The following ADAMTS18 variants were observed in gnomAD, a reference collection of about 807,000 sequenced individuals.
The protein encoded by ADAMTS18 is ADAM metallopeptidase with thrombospondin type 1 motif 18.
A neutral mutation model predicts 165.9 loss-of-function variants in ADAMTS18; 157 were observed. The ratio of observed to expected loss-of-function variants is 0.95; its 90% confidence interval spans 0.83 to 1.08. ADAMTS18 has a LOEUF of 1.08. Ranked by LOEUF, ADAMTS18 falls within the 50% of genes least tolerant of loss-of-function variation. The pLI is 0.00. For synonymous variants in ADAMTS18, 782 were observed against 578.2 expected (o/e 1.35, Z -5.06); for missense variants, 2,040 against 1,534.0 (o/e 1.33, Z -5.51).
intron 16 of ADAMTS18, among the ~76,000 whole-genome samples, chr16:77,309,718 A>G (rs114992107): frequency 9.3e-4 from 142 of 152,296 alleles, no homozygotes; most frequent in Middle Eastern, 3.4e-3. Context: ...ACAGCAGTCA[A>G]TTATTTCCAG....
At chr16:77,341,990 T>C (rs2056405627) in intron 10 of ADAMTS18, among the ~76,000 whole-genome samples, 191 bp from the exon 11 acceptor site, 1 of 152,354 alleles carries the variant, frequency 6.6e-6, no homozygotes, top group East Asian at 1.9e-4. Context: ...GGGGGGTTTC[T>C]ACAGTATCCA....
chr16:77,336,239 T>C (rs2056308748), intron 11 of ADAMTS18, among the ~76,000 whole-genome samples: 1 of 152,100 alleles, frequency 6.6e-6, no homozygotes, highest in African/African-American at 2.4e-5. Context: ...AAGCCTGCCT[T>C]GCCACTGAGA....
At chr16:77,379,203 TTAACTTCACCACCA>T (rs1464902247) in intron 3 of ADAMTS18, among the ~76,000 whole-genome samples, 1 of 152,204 alleles carries the variant, frequency 6.6e-6, no homozygotes, top group African/African-American at 2.4e-5. Context: ...CTTGGGCCTA[TTAACTTCACCACCA>T]TAAGGTTCAC....
At position 77,384,818 on chromosome 16, in the gene ADAMTS18, G is replaced by C. The variant is rs191767463; in HGVS notation, c.496-17095C>G. Among the ~76,000 whole-genome samples, 8 of 114,542 alleles carry C rather than the reference G, an allele frequency of 7.0e-5. No homozygotes were observed. The East Asian group carries it at 2.5e-3, about 36-fold the overall frequency. 75.1% of individuals were successfully genotyped at this position (114,542 alleles called of 152,430 possible). A position where few individuals can be genotyped will look rare whatever the true frequency, so the allele number is the denominator to read the frequency against. ...CAGCTCTTCTTCTGATACCATTTTT[G>C]CTTCAGATTTTTTTAAAAAATCTCA... is the stretch of plus-strand genomic sequence containing the variant. On this transcript the variant is annotated intron_variant, in intron 3 of 22. Transcript: ENST00000282849.
At chr16:77,286,708 A>G (rs12921392) in intron 22 of ADAMTS18, among the ~76,000 whole-genome samples, 74,831 of 151,788 alleles carry the variant, frequency 0.49, 19,871 homozygotes, top group Non-Finnish European at 0.61. Flanking sequence ...TTCCATGAGG[A>G]GCAGCTTATT....
At chr16:77,347,744 G>T (rs551879843) in intron 10 of ADAMTS18, among the ~76,000 whole-genome samples, 4 of 152,060 alleles carry the variant, frequency 2.6e-5, no homozygotes, top group African/African-American at 9.6e-5. Context: ...TTTGGTAAGG[G>T]GATTGGCACT....
intron 10 of ADAMTS18, among the ~76,000 whole-genome samples, chr16:77,351,475 C>A (rs2056554858): frequency 1.3e-5 from 2 of 152,280 alleles, no homozygotes; most frequent in South Asian, 2.1e-4. Context: ...AGGTACCCCA[C>A]AAATACATGG....
chr16:77,321,225 G>C lies in ADAMTS18; in HGVS notation c.2164-23C>G, dbSNP rs1255801091. 3.7e-6 allele frequency: 6 copies of C among 1,613,914 alleles called. 1 individual carries two copies. In the Admixed American group the frequency reaches 1.0e-4, roughly 27 times the overall value. ...TAGCTGTGACAAAAACAAAAAACGT[G>C]AGAAAATAAAAGATCAGAGAAGCCA... On this transcript the variant is annotated intron_variant, in intron 14 of 22. Transcript: ENST00000282849.
chr16:77,330,314 G>C (rs2056167089), intron 12 of ADAMTS18, among the ~76,000 whole-genome samples: 1 of 152,142 alleles, frequency 6.6e-6, no homozygotes, highest in East Asian at 1.9e-4. Flanking sequence ...TTTTCTTGGA[G>C]AGTTTATAGG....
At chr16:77,376,106 T>C (rs958674003) in intron 3 of ADAMTS18, among the ~76,000 whole-genome samples, 2 of 152,022 alleles carry the variant, frequency 1.3e-5, no homozygotes, top group Non-Finnish European at 2.9e-5. Flanking sequence ...TTTCTCCATG[T>C]TGATCCGGCT....
intron 3 of ADAMTS18, among the ~76,000 whole-genome samples, chr16:77,377,358 T>A (rs2056968413): frequency 6.6e-6 from 1 of 152,182 alleles, no homozygotes; most frequent in Non-Finnish European, 1.5e-5. Context: ...ATCAAGAAAA[T>A]TAGGAAGCTA....
At chr16:77,401,031 G>A (rs1322442586) in intron 3 of ADAMTS18, among the ~76,000 whole-genome samples, 1 of 151,998 alleles carries the variant, frequency 6.6e-6, no homozygotes, top group Non-Finnish European at 1.5e-5. Flanking sequence ...TGAGGTGGGT[G>A]GATCACCTGA....
At chr16:77,353,912 A>G in intron 9 of ADAMTS18, 26 bp from the exon 10 acceptor site, 1 of 1,613,976 alleles carries the variant, frequency 6.2e-7, no homozygotes, top group African/African-American at 1.3e-5. Flanking sequence ...ATGCTTATTA[A>G]TTACTCTGTT....
chr16:77,423,412 T>C (rs756050846), intron 3 of ADAMTS18, among the ~76,000 whole-genome samples: 30 of 152,206 alleles, frequency 2.0e-4, no homozygotes, highest in Non-Finnish European at 3.8e-4. Context: ...TCACAACTGA[T>C]ATTATTACTA....
chr16:77,402,635 T>C (rs2057345617), intron 3 of ADAMTS18, among the ~76,000 whole-genome samples: 1 of 152,218 alleles, frequency 6.6e-6, no homozygotes, highest in Non-Finnish European at 1.5e-5. Flanking sequence ...GAAGATTTAT[T>C]TACATGCCTT....
Position 77,388,943 on chromosome 16 carries a change from A to G in ADAMTS18, c.496-21220T>C, listed in dbSNP as rs143525175. On this transcript the variant is annotated intron_variant, in intron 3 of 22. Coordinates refer to ENST00000282849, the MANE Select transcript of ADAMTS18 (RefSeq NM_199355.4). ...GGTAGCAACTTCTAATGAAGCTGGC[A>G]GCAGTCAACTAAATGAAGAAGTCAT... 7.9e-5 allele frequency among the ~76,000 whole-genome samples: 12 copies of G among 152,332 alleles called. No individual in the cohort carries two copies. In the East Asian group the frequency reaches 2.3e-3, roughly 29 times the overall value.
intron 13 of ADAMTS18, among the ~76,000 whole-genome samples, chr16:77,324,692 C>G (rs569026121): frequency 1.1e-3 from 168 of 152,308 alleles, no homozygotes; most frequent in African/African-American, 4.0e-3. Flanking sequence ...TAAGGAAGGT[C>G]TCTCTGAGGA....
intron 3 of ADAMTS18, among the ~76,000 whole-genome samples, chr16:77,427,871 AG>A (rs2057692989): frequency 6.6e-6 from 1 of 152,224 alleles, no homozygotes; most frequent in African/African-American, 2.4e-5. Flanking sequence ...ACAGTCTGCT[AG>A]CAAAATTTTA....
intron 3 of ADAMTS18, among the ~76,000 whole-genome samples, chr16:77,415,533 A>G (rs1331936295): frequency 6.6e-6 from 1 of 151,944 alleles, no homozygotes; most frequent in Non-Finnish European, 1.5e-5. Context: ...TTTTATTGGC[A>G]CCGATCTTGT....
Sources: gnomAD v4.1 joint callset for allele counts (sites outside exome capture counted in the v4.1 genomes callset) on GRCh38, gnomAD v4.1.1 for gene constraint, MANE v1.5 for transcripts, NCBI Gene and HGNC (gene_info 2026-07-23, HGNC 2026-07-21) for gene names.